LCLAT1: variants seen among roughly 807,000 people sequenced by gnomAD.
LCLAT1 encodes lysocardiolipin acyltransferase 1, also known as 1-AGP acyltransferase 8.
Under a neutral mutation model 30.7 loss-of-function variants are expected in LCLAT1, and 11 were observed. That is an observed-to-expected ratio of 0.36 (90% confidence interval 0.23 to 0.59). The LOEUF (loss-of-function observed/expected upper bound fraction) is 0.59, where lower values mean the gene tolerates loss of function less well. Among genes scored for constraint, LCLAT1 ranks in the 20% least tolerant of loss-of-function variants. LCLAT1 has a pLI of 0.77. For missense variants in LCLAT1, 402 were observed against 458.6 expected, an observed-to-expected ratio of 0.88 and a Z score of 1.13; for synonymous variants, 155 against 151.3, an observed-to-expected ratio of 1.02 and a Z score of -0.18.
chr2:30,526,279 A>T (rs1163261400), intron 2 of LCLAT1, among the ~76,000 whole-genome samples: 1 of 152,042 alleles, frequency 6.6e-6, no homozygotes, highest in Non-Finnish European at 1.5e-5. Context: ...CTTGTCACGT[A>T]TGTCACAAAG....
intron 5 of LCLAT1, among the ~76,000 whole-genome samples, chr2:30,580,350 C>T (rs962960777): frequency 3.9e-5 from 6 of 152,106 alleles, no homozygotes; most frequent in Non-Finnish European, 7.4e-5. Flanking sequence ...AAGGTATCAG[C>T]GGTTTATCTG....
intron 3 of LCLAT1, among the ~76,000 whole-genome samples, chr2:30,545,472 T>C (rs1664357587): frequency 6.6e-6 from 1 of 152,138 alleles, no homozygotes; most frequent in African/African-American, 2.4e-5. Flanking sequence ...GGGAAATGGC[T>C]GAGAGTTTAG....
chr2:30,621,083 G>A lies in LCLAT1; in HGVS notation c.629-19034G>A, dbSNP rs190646704. Among the ~76,000 whole-genome samples, 309 of 152,168 alleles carry A rather than the reference G, an allele frequency of 2.0e-3. 1 individual carries two copies. The highest frequency in any genetic ancestry group is 7.1e-3 in the African/African-American group (296 of 41,508). On this transcript the variant is annotated intron_variant, in intron 5 of 5. Transcript: ENST00000379509. ...AAGTAAGGTTACATTCTGAAGTTCC[G>A]GTGGCCAGGTATCTTGATAGGACAC... is the stretch of plus-strand genomic sequence containing the variant.
At chr2:30,568,762 C>T (rs1434250134) in intron 5 of LCLAT1, among the ~76,000 whole-genome samples, 2 of 147,690 alleles carry the variant, frequency 1.4e-5, no homozygotes, top group African/African-American at 2.5e-5. Flanking sequence ...CAGCCTCAGC[C>T]TCCCAAACTG....
chr2:30,496,801 T>C lies in LCLAT1; in HGVS notation c.-4-28786T>C, dbSNP rs149286149. ...TAACAAGCACGTACCTGCCCAGGGA[T>C]GCGGGATACCATATACACTGTGCTT... On this transcript the variant is annotated intron_variant, in intron 1 of 5. Coordinates refer to ENST00000379509, the MANE Select transcript of LCLAT1 (RefSeq NM_001002257.3). 3.6e-3 allele frequency among the ~76,000 whole-genome samples: 542 copies of C among 152,290 alleles called. 2 individuals are homozygous for C. Among genetic ancestry groups the C allele is most frequent in the Non-Finnish European group, 5.5e-3 (377 of 68,032 alleles).
At chr2:30,528,197 G>A (rs1685814678) in intron 2 of LCLAT1, among the ~76,000 whole-genome samples, 1 of 152,216 alleles carries the variant, frequency 6.6e-6, no homozygotes, top group African/African-American at 2.4e-5. Flanking sequence ...GCAGCTAAAA[G>A]CTGTAATAGA....
At chr2:30,637,363 A>G (rs72863047) in intron 5 of LCLAT1, among the ~76,000 whole-genome samples, 2,032 of 152,148 alleles carry the variant, frequency 0.013, 35 homozygotes, top group African/African-American at 0.046. Context: ...CAGGTAAGAC[A>G]TATTAACATC....
chr2:30,619,468 C>G (rs548836790), intron 5 of LCLAT1, among the ~76,000 whole-genome samples: 1 of 152,250 alleles, frequency 6.6e-6, no homozygotes, highest in African/African-American at 2.4e-5. Context: ...CTTATCCCAC[C>G]AATAAAGGTT....
At chr2:30,605,851 G>A (rs981066997) in intron 5 of LCLAT1, among the ~76,000 whole-genome samples, 3 of 152,092 alleles carry the variant, frequency 2.0e-5, no homozygotes, top group Admixed American at 2.0e-4. Flanking sequence ...CGGGGAGGGA[G>A]TGGGGGGATG....
intron 1 of LCLAT1, among the ~76,000 whole-genome samples, chr2:30,465,832 T>C (rs190700982): frequency 1.3e-5 from 2 of 152,306 alleles, no homozygotes; most frequent in Admixed American, 6.5e-5. Context: ...ATTTCTCTTA[T>C]TAGTGAAGTG....
chr2:30,501,283 C>G (rs898120803), intron 1 of LCLAT1, among the ~76,000 whole-genome samples: 1 of 152,112 alleles, frequency 6.6e-6, no homozygotes, highest in African/African-American at 2.4e-5. Flanking sequence ...GCAGCAGGGA[C>G]CTAGACCAAA....
intron 1 of LCLAT1, among the ~76,000 whole-genome samples, chr2:30,471,232 T>TA (rs1335037095): frequency 1.4e-5 from 2 of 143,282 alleles, no homozygotes; most frequent in Non-Finnish European, 3.1e-5. Flanking sequence ...TTTTCTAAGA[T>TA]AGAGTCTCAC....
chr2:30,569,977 T>A lies in LCLAT1; in HGVS notation c.628+1801T>A, dbSNP rs572185623. Among the ~76,000 whole-genome samples, 13 of 152,236 alleles carry A rather than the reference T, an allele frequency of 8.5e-5. No homozygotes were observed. The South Asian group carries it at 1.9e-3, about 22-fold the overall frequency. On this transcript the variant is annotated intron_variant, in intron 5 of 5. Transcript: ENST00000379509. ...ATTCAAGCAGTGATGCTTTTTTTTT[T>A]AATTTGATACCATTTACTATGGCAT...
chr2:30,548,284 A>T lies in LCLAT1; in HGVS notation c.365-13862A>T, dbSNP rs1664517361. On this transcript the variant is annotated intron_variant, in intron 3 of 5. Transcript: ENST00000379509. ...AATGTGATTGACCATGGCCTGTAAC[A>T]CAGCCCTCAAGAAGTCCTGAGAACA... is the stretch of plus-strand genomic sequence containing the variant. Among the ~76,000 whole-genome samples, 5 of 152,162 alleles carry T rather than the reference A, an allele frequency of 3.3e-5. 2 individuals are homozygous for T. Among genetic ancestry groups the T allele is most frequent in the Admixed American group, 3.3e-4 (5 of 15,272 alleles).
chr2:30,527,809 T>C (rs1437039190), intron 2 of LCLAT1, among the ~76,000 whole-genome samples: 2 of 152,204 alleles, frequency 1.3e-5, no homozygotes, highest in Non-Finnish European at 2.9e-5. Flanking sequence ...AAATATTTGG[T>C]ATTATATTAA....
chr2:30,569,107 A>G (rs1231187205), intron 5 of LCLAT1, among the ~76,000 whole-genome samples: 3 of 152,158 alleles, frequency 2.0e-5, no homozygotes, highest in African/African-American at 7.2e-5. Flanking sequence ...CCAGTGCGGT[A>G]AGTACATTTT....
In LCLAT1 at chr2:30,474,784, G is replaced by C. The variant is rs535951536; in HGVS notation, c.-5+27401G>C. On this transcript the variant is annotated intron_variant, in intron 1 of 5. Coordinates refer to ENST00000379509, the MANE Select transcript of LCLAT1 (RefSeq NM_001002257.3). ...CTGGCACAGCCTCCTGTGTAGTTGG[G>C]ATCACAGGTGTGCACCACCACACAT... is the stretch of plus-strand genomic sequence containing the variant. 5.9e-3 allele frequency among the ~76,000 whole-genome samples: 889 copies of C among 151,682 alleles called. 14 individuals are homozygous for C. The highest frequency in any genetic ancestry group is 6.8e-3 in the Middle Eastern group (2 of 292).
intron 1 of LCLAT1, among the ~76,000 whole-genome samples, chr2:30,501,374 A>T (rs913137449): frequency 6.6e-6 from 1 of 152,168 alleles, no homozygotes; most frequent in Non-Finnish European, 1.5e-5. Flanking sequence ...TTAATCTGTA[A>T]CTTTAAAAAA....
intron 1 of LCLAT1, among the ~76,000 whole-genome samples, chr2:30,477,104 T>C (rs829642): frequency 0.72 from 109,764 of 152,074 alleles, 40,939 homozygotes; most frequent in East Asian, 0.87. Context: ...AATCAACGCT[T>C]GTTCCTGTGC....
Sources: gnomAD v4.1 joint callset for allele counts (sites outside exome capture counted in the v4.1 genomes callset) on GRCh38, gnomAD v4.1.1 for gene constraint, MANE v1.5 for transcripts, NCBI Gene and HGNC (gene_info 2026-07-23, HGNC 2026-07-21) for gene names.